The following HS3ST3A1 variants were observed in gnomAD, a reference collection of about 807,000 sequenced individuals.
HS3ST3A1 encodes heparan sulfate glucosamine 3-O-sulfotransferase 3A1.
HS3ST3A1 carries 19 observed loss-of-function variants against 25.7 expected under a neutral mutation model. That is an observed-to-expected ratio of 0.74 (90% confidence interval 0.52 to 1.08). The LOEUF (loss-of-function observed/expected upper bound fraction) is 1.08, where lower values mean the gene tolerates loss of function less well. Among genes scored for constraint, HS3ST3A1 ranks in the 50% least tolerant of loss-of-function variants. HS3ST3A1 has a pLI of 0.00. For synonymous variants in HS3ST3A1, 226 were observed against 278.6 expected, an observed-to-expected ratio of 0.81 and a Z score of 1.88; for missense variants, 459 against 594.3, an observed-to-expected ratio of 0.77 and a Z score of 2.37.
chr17:13,503,136 C>T (rs796573086), intron 1 of HS3ST3A1, among the ~76,000 whole-genome samples: 2 of 132,438 alleles, frequency 1.5e-5, no homozygotes, highest in African/African-American at 5.8e-5. Context: ...GATCAGGCCA[C>T]TGCACTCCAG....
chr17:13,535,226 C>A (rs1906735671), intron 1 of HS3ST3A1, among the ~76,000 whole-genome samples: 1 of 152,108 alleles, frequency 6.6e-6, no homozygotes, highest in African/African-American at 2.4e-5. Context: ...TAACACTAAA[C>A]TCATGGCCAA....
chr17:13,514,008 A>T (rs1905966226), intron 1 of HS3ST3A1, among the ~76,000 whole-genome samples: 1 of 152,112 alleles, frequency 6.6e-6, no homozygotes, highest in Admixed American at 6.5e-5. Context: ...TAGTAAGCAT[A>T]GGGAAATGAT....
chr17:13,506,998 G>A lies in HS3ST3A1; in HGVS notation c.600-10180C>T, dbSNP rs371755461. On this transcript the variant is annotated intron_variant, in intron 1 of 1. Coordinates refer to ENST00000284110, the MANE Select transcript of HS3ST3A1 (RefSeq NM_006042.3). ...GTGGGAGAATCGCTTGAACCCGGGA[G>A]GCAGAGGTTGCAGTGAGCCAAGATT... 5.9e-5 allele frequency among the ~76,000 whole-genome samples: 9 copies of A among 151,418 alleles called. No homozygotes were observed. In the East Asian group the frequency reaches 1.8e-3, roughly 29 times the overall value.
intron 1 of HS3ST3A1, among the ~76,000 whole-genome samples, chr17:13,504,329 A>C (rs992627698): frequency 1.1e-4 from 17 of 152,112 alleles, no homozygotes; most frequent in Non-Finnish European, 2.4e-4. Flanking sequence ...ACAAACAAAC[A>C]AAAAACCTGT....
intron 1 of HS3ST3A1, chr17:13,543,490 G>A (rs1906994807): frequency 6.0e-6 from 1 of 167,986 alleles, no homozygotes; most frequent in African/African-American, 2.4e-5. Context: ...TCAGTCTGAA[G>A]AAGAGAAGTT....
chr17:13,582,932 G>A (rs1293023947), intron 1 of HS3ST3A1, among the ~76,000 whole-genome samples: 1 of 152,112 alleles, frequency 6.6e-6, no homozygotes, highest in East Asian at 1.9e-4. Flanking sequence ...ATTTTGTAGA[G>A]GCAGATAGTT....
chr17:13,584,767 G>A (rs1236721659), intron 1 of HS3ST3A1, among the ~76,000 whole-genome samples: 1 of 152,158 alleles, frequency 6.6e-6, no homozygotes, highest in Non-Finnish European at 1.5e-5. Context: ...TTTTATTCAC[G>A]TGGATAACTA....
chr17:13,499,923 TAAAG>T (rs1905411874), intron 1 of HS3ST3A1, among the ~76,000 whole-genome samples: 1 of 152,084 alleles, frequency 6.6e-6, no homozygotes, highest in African/African-American at 2.4e-5. Flanking sequence ...TCTGCAAAAA[TAAAG>T]AAACGATAGT....
Position 13,512,224 on chromosome 17 carries a change from G to A in HS3ST3A1, c.600-15406C>T, listed in dbSNP as rs929202748. 1.1e-4 allele frequency among the ~76,000 whole-genome samples: 17 copies of A among 150,278 alleles called. No individual in the cohort carries two copies. In the East Asian group the frequency reaches 2.6e-3, roughly 23 times the overall value. On this transcript the variant is annotated intron_variant, in intron 1 of 1. Coordinates refer to ENST00000284110, the MANE Select transcript of HS3ST3A1 (RefSeq NM_006042.3). Reference sequence around the variant, plus strand: ...TGAGGCAGGAGAATGGCGTGAACCCGGGAAGCGGAGCTTGCAGTGAGCCGA... The same window carrying A: ...TGAGGCAGGAGAATGGCGTGAACCCAGGAAGCGGAGCTTGCAGTGAGCCGA...
At chr17:13,526,614 C>A (rs1906438927) in intron 1 of HS3ST3A1, among the ~76,000 whole-genome samples, 1 of 148,724 alleles carries the variant, frequency 6.7e-6, no homozygotes, top group Non-Finnish European at 1.5e-5. Context: ...AAAGTTAAAG[C>A]CACTCACAGT....
chr17:13,555,967 T>C (rs543157751), intron 1 of HS3ST3A1: 5 of 152,342 alleles, frequency 3.3e-5, no homozygotes, highest in African/African-American at 1.2e-4. Context: ...GATTTCCTCC[T>C]TCTCTTGTCT....
At chr17:13,537,621 T>C (rs1026589450) in intron 1 of HS3ST3A1, among the ~76,000 whole-genome samples, 2 of 152,224 alleles carry the variant, frequency 1.3e-5, no homozygotes, top group African/African-American at 2.4e-5. Context: ...AATTCAGTTT[T>C]AAAACAAGCA....
intron 1 of HS3ST3A1, among the ~76,000 whole-genome samples, chr17:13,499,840 G>A (rs902879392): frequency 6.6e-6 from 1 of 152,162 alleles, no homozygotes. Flanking sequence ...TGCAGGATGA[G>A]GAAAACTGAC....
chr17:13,499,960 T>C (rs148175803), intron 1 of HS3ST3A1, among the ~76,000 whole-genome samples: 21 of 152,358 alleles, frequency 1.4e-4, no homozygotes, highest in African/African-American at 4.8e-4. Flanking sequence ...TAATCAAGCT[T>C]ACATTGTAGA....
At chr17:13,580,128 A>G (rs1908073391) in intron 1 of HS3ST3A1, among the ~76,000 whole-genome samples, 2 of 152,156 alleles carry the variant, frequency 1.3e-5, no homozygotes, top group Admixed American at 6.5e-5. Flanking sequence ...TAATGCCAAC[A>G]CACGCATTCT....
intron 1 of HS3ST3A1, among the ~76,000 whole-genome samples, chr17:13,560,633 G>A (rs1907518513): frequency 6.6e-6 from 1 of 152,082 alleles, no homozygotes; most frequent in Non-Finnish European, 1.5e-5. Flanking sequence ...TATGCCTATG[G>A]TAAAGTGAGC....
At chr17:13,595,187 G>A (rs979304775) in intron 1 of HS3ST3A1, among the ~76,000 whole-genome samples, 4 of 152,064 alleles carry the variant, frequency 2.6e-5, no homozygotes, top group African/African-American at 9.7e-5. Context: ...AGTTTTTAGG[G>A]GCCTGAAGAA....
intron 1 of HS3ST3A1, among the ~76,000 whole-genome samples, chr17:13,516,937 C>T (rs1183394919): frequency 6.6e-6 from 1 of 152,294 alleles, no homozygotes; most frequent in East Asian, 1.9e-4. Context: ...CCGCCCGCCT[C>T]GGCCTCCTAA....
At position 13,600,516 on chromosome 17, in the gene HS3ST3A1, G is replaced by C. The variant is rs1312349019; in HGVS notation, c.599+15C>G. 5 of 1,581,162 alleles carry C rather than the reference G, an allele frequency of 3.2e-6. No homozygotes were observed. The African/African-American group carries it at 6.8e-5, about 21-fold the overall frequency. ...CCCGGATCCTTCAGCCCCAGCCCGG[G>C]CCCGCCCCGCTCACCGGTACCAGGC... On this transcript the variant is annotated intron_variant, in intron 1 of 1. Coordinates refer to ENST00000284110, the MANE Select transcript of HS3ST3A1 (RefSeq NM_006042.3).
Sources: gnomAD v4.1 joint callset for allele counts (sites outside exome capture counted in the v4.1 genomes callset) on GRCh38, gnomAD v4.1.1 for gene constraint, MANE v1.5 for transcripts, NCBI Gene and HGNC (gene_info 2026-07-23, HGNC 2026-07-21) for gene names.